SOHLH2: variants seen among roughly 807,000 people sequenced by gnomAD.
SOHLH2 encodes the protein spermatogenesis- and oogenesis-specific basic helix-loop-helix-containing protein 2.
A neutral mutation model predicts 50.4 loss-of-function variants in SOHLH2; 22 were observed. That is an observed-to-expected ratio of 0.44 (90% CI 0.31 to 0.62). SOHLH2 has a LOEUF of 0.62. Among genes scored for constraint, SOHLH2 ranks in the 20% least tolerant of loss-of-function variants. SOHLH2 has a pLI of 0.08. For synonymous variants in SOHLH2, 185 were observed against 187.3 expected (o/e 0.99, Z 0.10); for missense variants, 412 against 504.4 (o/e 0.82, Z 1.76).
intron 8 of SOHLH2, 76 bp from the exon 9 acceptor site, chr13:36,173,886 T>C: frequency 6.5e-7 from 1 of 1,533,670 alleles, no homozygotes; most frequent in Non-Finnish European, 8.9e-7. Context: ...CAATTGCCCT[T>C]TTATCATTCA....
At chr13:36,191,967 C>G (rs1406929923) in intron 4 of SOHLH2, 73 bp from the exon 5 acceptor site, 1 of 1,507,696 alleles carries the variant, frequency 6.6e-7, no homozygotes, top group African/African-American at 1.4e-5. Context: ...AACACACAAG[C>G]CCCAATCCTT....
chr13:36,207,941 A>G (rs911626942), intron 1 of SOHLH2, among the ~76,000 whole-genome samples: 3 of 152,210 alleles, frequency 2.0e-5, no homozygotes, highest in Non-Finnish European at 4.4e-5. Context: ...CGCTTGGTTA[A>G]GATGGCGTCT....
At chr13:36,169,079 C>T (rs971470218) in intron 10 of SOHLH2, 25 bp from the exon 11 acceptor site, 2 of 1,602,532 alleles carry the variant, frequency 1.2e-6, no homozygotes, top group Non-Finnish European at 1.7e-6. Flanking sequence ...GAAAAACCCA[C>T]ATTAATTGAA....
chr13:36,181,859 T>G, intron 6 of SOHLH2: 1 of 261,162 alleles, frequency 3.8e-6, no homozygotes, highest in Non-Finnish European at 6.0e-6. Flanking sequence ...ACTCTGCAGG[T>G]CCACTGGTGT....
Position 36,191,886 on chromosome 13 carries a change from CAGTCT to C in SOHLH2, c.434_438del (p.Lys145ArgfsTer7). The C allele has an allele frequency of 6.2e-7, 1 of 1,613,898 alleles. No homozygotes were observed. Among genetic ancestry groups the C allele is most frequent in the Non-Finnish European group, 8.5e-7 (1 of 1,179,842 alleles). ...AGTTCTTCAGGCCCAGTTGCGTTTTCAGTCTTAACTGAAAGTTTTGAGAGGGGAAC... is the reference window on the plus strand; with the variant it reads ...AGTTCTTCAGGCCCAGTTGCGTTTTCTAACTGAAAGTTTTGAGAGGGGAAC... On this transcript the variant is annotated frameshift_variant, in exon 5 of 11. Coordinates refer to ENST00000379881, the MANE Select transcript of SOHLH2 (RefSeq NM_017826.3). LOFTEE classifies it high-confidence loss of function.
Position 36,169,056 on chromosome 13 carries a change from T to C in SOHLH2, c.1258-2A>G. ...CTTTTAATACGCCCAAAACTGTTGC[T>C]GCAAAGAAGGGGGAAAAACCCACAT... On this transcript the variant is annotated splice_acceptor_variant, in intron 10 of 10. Transcript: ENST00000379881. LOFTEE classifies it high-confidence loss of function. 1 of 1,607,288 alleles carries C rather than the reference T, an allele frequency of 6.2e-7. No individual in the cohort carries two copies. Among genetic ancestry groups the C allele is most frequent in the Non-Finnish European group, 8.5e-7 (1 of 1,178,044 alleles).
chr13:36,191,653 T>A (rs1344589025), intron 5 of SOHLH2, 142 bp downstream of exon 5: 2 of 894,116 alleles, frequency 2.2e-6, no homozygotes, highest in African/African-American at 3.4e-5. Context: ...TATATTAAGT[T>A]GAATACTTCT....
intron 1 of SOHLH2, among the ~76,000 whole-genome samples, chr13:36,203,665 C>G (rs1224765017): frequency 6.6e-6 from 1 of 152,036 alleles, no homozygotes; most frequent in African/African-American, 2.4e-5. Flanking sequence ...TTCCCCAAAC[C>G]CTTAATAAGA....
intron 2 of SOHLH2, among the ~76,000 whole-genome samples, chr13:36,195,820 AT>A (rs1289459593): frequency 6.6e-6 from 1 of 152,212 alleles, no homozygotes; most frequent in Non-Finnish European, 1.5e-5. Context: ...TGTGCTATGA[AT>A]TCTGGGGAGT....
intron 9 of SOHLH2, among the ~76,000 whole-genome samples, chr13:36,172,461 C>G (rs972913833): frequency 6.6e-6 from 1 of 152,122 alleles, no homozygotes; most frequent in Non-Finnish European, 1.5e-5. Context: ...TATGAAGAAT[C>G]AGGGCTGGGT....
In SOHLH2 at chr13:36,183,216, A is replaced by G. The variant is rs149526355; in HGVS notation, c.641+6730T>C. ...GTACAGCCTGCAGAATCACGAGTCA[A>G]TTAAACCTCTTTTCTTTATAAATTA... is the stretch of plus-strand genomic sequence containing the variant. On this transcript the variant is annotated intron_variant, in intron 6 of 10. Coordinates refer to ENST00000379881, the MANE Select transcript of SOHLH2 (RefSeq NM_017826.3). The G allele has an allele frequency of 6.9e-4, 233 of 338,088 alleles. 1 individual carries two copies. Among genetic ancestry groups the G allele is most frequent in the South Asian group, 1.4e-3 (57 of 41,630 alleles). 20.9% of individuals were successfully genotyped at this position (338,088 alleles called of 1,614,324 possible).
rs1887508133 is a variant in SOHLH2, at chr13:36,189,209, G to A, written c.641+737C>T. Among the ~76,000 whole-genome samples, 3 of 152,224 alleles carry A rather than the reference G, an allele frequency of 2.0e-5. No individual in the cohort carries two copies. The South Asian group carries it at 6.2e-4, about 32-fold the overall frequency. ...TATTATAGACTACTTCTGGCCTCCG[G>A]ATGCAATTCACTGTGTTACATCCTA... On this transcript the variant is annotated intron_variant, in intron 6 of 10. Transcript: ENST00000379881.
Position 36,192,228 on chromosome 13 carries a change from G to A in SOHLH2, c.431-334C>T, listed in dbSNP as rs574106825. Reference sequence around the variant, plus strand: ...GTAAATGTCAGGAGACAAAAAACACGCATGAGTCTTCAACAAGCAGCTGCA... The same window carrying A: ...GTAAATGTCAGGAGACAAAAAACACACATGAGTCTTCAACAAGCAGCTGCA... On this transcript the variant is annotated intron_variant, in intron 4 of 10. Coordinates refer to ENST00000379881, the MANE Select transcript of SOHLH2 (RefSeq NM_017826.3). Among the ~76,000 whole-genome samples the A allele has an allele frequency of 2.6e-5, 4 of 152,182 alleles. No homozygotes were observed. In the East Asian group the frequency reaches 5.8e-4, roughly 22 times the overall value.
At chr13:36,182,067 G>A (rs1887271896) in intron 6 of SOHLH2, 1 of 983,666 alleles carries the variant, frequency 1.0e-6, no homozygotes, top group Admixed American at 6.1e-5. Context: ...TATTTGACAG[G>A]CCTAGAGCAG....
intron 9 of SOHLH2, among the ~76,000 whole-genome samples, chr13:36,171,975 G>A (rs1183489404): frequency 6.6e-6 from 1 of 152,096 alleles, no homozygotes; most frequent in Non-Finnish European, 1.5e-5. Context: ...AATGAACACG[G>A]TGATTATCTT....
At chr13:36,209,778 C>T (rs1869000394) in intron 1 of SOHLH2, among the ~76,000 whole-genome samples, 1 of 152,210 alleles carries the variant, frequency 6.6e-6, no homozygotes, top group Non-Finnish European at 1.5e-5. Context: ...GTCTGTCAAT[C>T]CTTTGTTTCC....
chr13:36,183,739 C>T (rs534603553), intron 6 of SOHLH2, among the ~76,000 whole-genome samples: 2 of 152,026 alleles, frequency 1.3e-5, no homozygotes, highest in Admixed American at 1.3e-4. Context: ...TAGAAAAAAA[C>T]CATGCAAACA....
intron 2 of SOHLH2, among the ~76,000 whole-genome samples, chr13:36,201,179 A>G (rs890648949): frequency 5.3e-5 from 8 of 152,074 alleles, no homozygotes; most frequent in Non-Finnish European, 2.9e-5. Context: ...GCTCCAGGAG[A>G]CACCTCAGTC....
At position 36,168,307 on chromosome 13, in the gene SOHLH2, T is replaced by C. The variant is rs559573263; in HGVS notation, c.*727A>G. On this transcript the variant is annotated 3_prime_UTR_variant, in exon 11 of 11. Coordinates refer to ENST00000379881, the MANE Select transcript of SOHLH2 (RefSeq NM_017826.3). ...ATAAAACAAACCTTTTTCCCCCTTATTTTCAACTGTCCTTTCTAATACCCA... is the reference window on the plus strand; with the variant it reads ...ATAAAACAAACCTTTTTCCCCCTTACTTTCAACTGTCCTTTCTAATACCCA... 2.6e-5 allele frequency: 4 copies of C among 152,318 alleles called. No individual in the cohort carries two copies. In the South Asian group the frequency reaches 8.3e-4, roughly 32 times the overall value. 9.4% of individuals were successfully genotyped at this position (152,318 alleles called of 1,614,324 possible). A position where few individuals can be genotyped will look rare whatever the true frequency, so the allele number is the denominator to read the frequency against.
Sources: gnomAD v4.1 joint callset for allele counts (sites outside exome capture counted in the v4.1 genomes callset) on GRCh38, gnomAD v4.1.1 for gene constraint, MANE v1.5 for transcripts, NCBI Gene and HGNC (gene_info 2026-07-23, HGNC 2026-07-21) for gene names.